GALNT9: variants seen among roughly 807,000 people sequenced by gnomAD.
GALNT9 encodes the protein GalNAc transferase 9.
Under a neutral mutation model 63.1 loss-of-function variants are expected in GALNT9, and 47 were observed. The observed-to-expected ratio is 0.75, with a 90% CI of 0.59 to 0.95. The LOEUF (loss-of-function observed/expected upper bound fraction) is 0.95, where lower values mean the gene tolerates loss of function less well. GALNT9 is among the 40% of genes least tolerant of loss of function. The pLI, the probability that GALNT9 is intolerant of heterozygous loss-of-function variation, is 0.00. For missense variants in GALNT9, 829 were observed against 874.8 expected (o/e 0.95, Z 0.66); for synonymous variants, 396 against 365.7 (o/e 1.08, Z -0.94).
At chr12:132,280,880 GAATA>G (rs1555241624) in intron 2 of GALNT9, 2 of 152,318 alleles carry the variant, frequency 1.3e-5, no homozygotes, top group Non-Finnish European at 2.9e-5. Flanking sequence ...TGTGGGATCT[GAATA>G]AAGAGACTTA....
At chr12:132,270,631 C>G (rs1413921761) in intron 2 of GALNT9, among the ~76,000 whole-genome samples, 1 of 152,190 alleles carries the variant, frequency 6.6e-6, no homozygotes, top group Non-Finnish European at 1.5e-5. Context: ...TCTGAGGTCC[C>G]AGGTGGAGCT....
At chr12:132,292,393 G>A (rs574702745) in intron 1 of GALNT9, among the ~76,000 whole-genome samples, 51 of 152,182 alleles carry the variant, frequency 3.4e-4, no homozygotes, top group Non-Finnish European at 5.0e-4. Flanking sequence ...CCCCATCCCC[G>A]CAATGAAGAG....
At chr12:132,268,114 CAA>C (rs1491427056) in intron 2 of GALNT9, among the ~76,000 whole-genome samples, 1 of 146,516 alleles carries the variant, frequency 6.8e-6, no homozygotes, top group African/African-American at 2.7e-5. Flanking sequence ...CTCACACACA[CAA>C]ACCCACACAC....
chr12:132,268,736 G>A (rs1229040186), intron 2 of GALNT9, among the ~76,000 whole-genome samples: 1 of 152,308 alleles, frequency 6.6e-6, no homozygotes, highest in East Asian at 1.9e-4. Context: ...GAACAGACAC[G>A]TCACCACCGA....
At chr12:132,257,555 G>C (rs1234250212) in intron 5 of GALNT9, 134 bp downstream of exon 5, 1 of 170,490 alleles carries the variant, frequency 5.9e-6, no homozygotes, top group Admixed American at 8.4e-5. Flanking sequence ...TCGTCCCCAC[G>C]CCCTCGTCCC....
At chr12:132,241,229 C>A (rs1555237069) in intron 6 of GALNT9, among the ~76,000 whole-genome samples, 1 of 89,142 alleles carries the variant, frequency 1.1e-5, no homozygotes, top group Non-Finnish European at 2.3e-5. Flanking sequence ...TCCAGGGGCC[C>A]TCCCTATACC....
At chr12:132,203,798 G>A (rs989333936) in intron 6 of GALNT9, 108 bp from the exon 7 acceptor site, 5 of 1,242,338 alleles carry the variant, frequency 4.0e-6, no homozygotes, top group Non-Finnish European at 3.3e-6. Context: ...TGTTCCTGGG[G>A]CACCCCCACC....
chr12:132,303,375 C>A (rs1268820864), intron 1 of GALNT9, among the ~76,000 whole-genome samples: 1 of 147,564 alleles, frequency 6.8e-6, no homozygotes. Flanking sequence ...GAAGCAGCAC[C>A]CTCTCCGGGG....
intron 6 of GALNT9, chr12:132,205,566 T>G (rs1052828311): frequency 6.6e-6 from 1 of 152,190 alleles, no homozygotes; most frequent in Non-Finnish European, 1.5e-5. Context: ...CCCACAGGGG[T>G]CCGGCTCCTT....
intron 6 of GALNT9, among the ~76,000 whole-genome samples, chr12:132,211,062 T>C (rs577606854): frequency 1.3e-5 from 2 of 152,000 alleles, no homozygotes; most frequent in African/African-American, 2.4e-5. Flanking sequence ...CCAGTTCTTC[T>C]CCACCACAAC....
chr12:132,267,915 G>A lies in GALNT9; in HGVS notation c.420-5290C>T, dbSNP rs28567998. 2.3e-5 allele frequency among the ~76,000 whole-genome samples: 3 copies of A among 128,844 alleles called. 1 individual carries two copies. The highest frequency in any genetic ancestry group is 2.7e-4 in the South Asian group (1 of 3,752). The allele number at this position is 128,844 out of a possible 152,430, so 84.5% of individuals were successfully genotyped here. A position where few individuals can be genotyped will look rare whatever the true frequency, so the allele number is the denominator to read the frequency against. The stretch of plus-strand genomic sequence containing the variant: ...CGCACACACGCACACAAATCCACAT[G>A]CACTCACACACATGCACACACACAC... On this transcript the variant is annotated intron_variant, in intron 2 of 10. Transcript: ENST00000328957.
At chr12:132,250,662 G>A (rs560928215) in intron 5 of GALNT9, among the ~76,000 whole-genome samples, 7 of 152,294 alleles carry the variant, frequency 4.6e-5, no homozygotes, top group East Asian at 1.9e-4. Context: ...GTGGTGGTGT[G>A]CACCTGTAAT....
In GALNT9 at chr12:132,329,381, T is replaced by TC; in HGVS notation, c.-179dup. The TC allele has an allele frequency of 1.1e-6, 1 of 944,448 alleles. No homozygotes were observed. Among genetic ancestry groups the TC allele is most frequent in the Non-Finnish European group, 1.4e-6 (1 of 702,106 alleles). 58.5% of individuals were successfully genotyped at this position (944,448 alleles called of 1,614,324 possible). A position where few individuals can be genotyped will look rare whatever the true frequency, so the allele number is the denominator to read the frequency against. The stretch of plus-strand genomic sequence containing the variant: ...CGCGCCGGGCCACGGCCGCCGGGGG[T>TC]CCCCCAGAGCGCAGAGGGCTGCCCG... On this transcript the variant is annotated 5_prime_UTR_variant, in exon 1 of 11. The change abolishes the stop of an existing upstream ORF in the 5' untranslated region. Coordinates refer to ENST00000328957, the MANE Select transcript of GALNT9 (RefSeq NM_001122636.2).
chr12:132,283,118 C>T (rs1555241841), intron 2 of GALNT9: 1 of 152,518 alleles, frequency 6.6e-6, no homozygotes, highest in Non-Finnish European at 1.5e-5. Context: ...GACTGGACCC[C>T]ACAACGCACA....
chr12:132,198,443 G>GCTGGGGCTGGGGCTGGGGCTGGGC (rs1311991668), intron 9 of GALNT9, among the ~76,000 whole-genome samples: 152 of 99,374 alleles, frequency 1.5e-3, no homozygotes, highest in South Asian at 4.6e-3. Context: ...TGGGGCTGGG[G>GCTGGGGCTGGGGCTGGGGCTGGGC]CTGGGCCTGG....
chr12:132,205,128 T>G (rs1007278276), intron 6 of GALNT9, among the ~76,000 whole-genome samples: 3 of 152,034 alleles, frequency 2.0e-5, no homozygotes, highest in African/African-American at 7.3e-5. Flanking sequence ...GCTGCTCTCA[T>G]CTCCAGGCCG....
intron 1 of GALNT9, among the ~76,000 whole-genome samples, chr12:132,302,121 T>C (rs1881318667): frequency 6.6e-6 from 1 of 152,064 alleles, no homozygotes. Context: ...TTCCAGAAGG[T>C]TTAGATTAGT....
chr12:132,276,800 A>G (rs1165976266), intron 2 of GALNT9, among the ~76,000 whole-genome samples: 1 of 152,242 alleles, frequency 6.6e-6, no homozygotes, highest in Non-Finnish European at 1.5e-5. Context: ...ACAAGCATCT[A>G]CCGTCTGACA....
intron 1 of GALNT9, among the ~76,000 whole-genome samples, chr12:132,293,219 CT>C (rs1555242946): frequency 6.6e-6 from 1 of 152,214 alleles, no homozygotes; most frequent in East Asian, 1.9e-4. Flanking sequence ...GCAGCATTCA[CT>C]TGACGCTTCC....
Sources: gnomAD v4.1 joint callset for allele counts (sites outside exome capture counted in the v4.1 genomes callset) on GRCh38, gnomAD v4.1.1 for gene constraint, MANE v1.5 for transcripts, NCBI Gene and HGNC (gene_info 2026-07-23, HGNC 2026-07-21) for gene names.